The following AHI1 variants were observed in gnomAD, a reference collection of about 807,000 sequenced individuals.
AHI1 encodes the protein Abelson helper integration site 1.
A neutral mutation model predicts 149.3 loss-of-function variants in AHI1; 123 were observed. The observed-to-expected ratio is 0.82, with a 90% CI of 0.71 to 0.96. The LOEUF is 0.96. Ranked by LOEUF, AHI1 falls within the 40% of genes least tolerant of loss-of-function variation. The pLI, the probability that AHI1 is intolerant of heterozygous loss-of-function variation, is 0.00. For synonymous variants in AHI1, 475 were observed against 459.8 expected, an observed-to-expected ratio of 1.03 and a Z score of -0.42; for missense variants, 1,439 against 1,422.7, an observed-to-expected ratio of 1.01 and a Z score of -0.18.
At chr6:135,433,610 T>C (rs574648831) in intron 15 of AHI1, among the ~76,000 whole-genome samples, 1 of 152,218 alleles carries the variant, frequency 6.6e-6, no homozygotes, top group East Asian at 1.9e-4. Flanking sequence ...ATAAAAAATA[T>C]ATAGGGAGAA....
intron 2 of AHI1, among the ~76,000 whole-genome samples, chr6:135,496,351 C>T (rs1583539188): frequency 6.6e-6 from 1 of 152,282 alleles, no homozygotes; most frequent in South Asian, 2.1e-4. Context: ...CTCCTGACCT[C>T]AAGTGATCCA....
intron 20 of AHI1, among the ~76,000 whole-genome samples, chr6:135,416,240 A>T (rs193138549): frequency 1.3e-5 from 2 of 152,162 alleles, no homozygotes; most frequent in East Asian, 3.8e-4. Flanking sequence ...TCCATTAAAA[A>T]TTAATAATCG....
chr6:135,425,182 G>A (rs545307277), intron 20 of AHI1, among the ~76,000 whole-genome samples: 3 of 151,880 alleles, frequency 2.0e-5, no homozygotes, highest in Admixed American at 1.3e-4. Context: ...CAAAAATTGT[G>A]TTTGTGATAT....
At chr6:135,390,782 C>T (rs1022471464) in intron 23 of AHI1, among the ~76,000 whole-genome samples, 2 of 152,280 alleles carry the variant, frequency 1.3e-5, no homozygotes, top group South Asian at 2.1e-4. Context: ...TTCATGTTTA[C>T]TCTACTTTTC....
chr6:135,464,926 G>A (rs1351817497), intron 7 of AHI1, among the ~76,000 whole-genome samples: 1 of 152,196 alleles, frequency 6.6e-6, no homozygotes, highest in Admixed American at 6.5e-5. Flanking sequence ...GAAACTCTGA[G>A]ACAGTAAATG....
chr6:135,357,981 A>C, intron 24 of AHI1, 151 bp downstream of exon 24: 2 of 627,642 alleles, frequency 3.2e-6, no homozygotes, highest in Non-Finnish European at 5.5e-6. Flanking sequence ...AATTATTTCT[A>C]AGTTAACAAC....
intron 20 of AHI1, among the ~76,000 whole-genome samples, chr6:135,421,923 T>G (rs985872863): frequency 1.3e-5 from 2 of 152,164 alleles, no homozygotes; most frequent in East Asian, 3.8e-4. Context: ...TGCCCTACTA[T>G]TAGGTATATT....
chr6:135,434,408 A>G (rs1305710640), intron 15 of AHI1, among the ~76,000 whole-genome samples: 1 of 152,030 alleles, frequency 6.6e-6, no homozygotes, highest in African/African-American at 2.4e-5. Flanking sequence ...TATTTATATG[A>G]AATATGATGC....
rs550507120 is a variant in AHI1 at position 135,374,733 on chromosome 6, A to G, written c.3110-16546T>C. ...AAATACAACAAAAAATGTGTAAAAC[A>G]GTATGAAGAACACCTTAAAATACTT... is the stretch of plus-strand genomic sequence containing the variant. On this transcript the variant is annotated intron_variant, in intron 23 of 28. Coordinates refer to ENST00000265602, the MANE Select transcript of AHI1 (RefSeq NM_001134831.2). 3.3e-5 allele frequency among the ~76,000 whole-genome samples: 5 copies of G among 152,348 alleles called. No homozygotes were observed. The Middle Eastern group carries it at 0.017, about 518-fold the overall frequency.
chr6:135,344,077 T>G (rs1790784965), intron 24 of AHI1, among the ~76,000 whole-genome samples: 1 of 152,004 alleles, frequency 6.6e-6, no homozygotes, highest in African/African-American at 2.4e-5. Flanking sequence ...GTCCCTTATA[T>G]AAAATAGTAT....
chr6:135,435,488 G>A (rs955860301), intron 15 of AHI1, among the ~76,000 whole-genome samples: 4 of 152,150 alleles, frequency 2.6e-5, no homozygotes, highest in Non-Finnish European at 5.9e-5. Flanking sequence ...AGGAAAAGTA[G>A]GTAAGTTTCA....
chr6:135,438,689 A>C (rs1583233711), intron 14 of AHI1, among the ~76,000 whole-genome samples, 191 bp from the exon 15 acceptor site: 1 of 152,144 alleles, frequency 6.6e-6, no homozygotes, highest in Admixed American at 6.5e-5. Context: ...ACAAAAATTC[A>C]CATGCAAAAT....
intron 20 of AHI1, among the ~76,000 whole-genome samples, chr6:135,425,380 C>G (rs957710344): frequency 2.6e-5 from 4 of 151,680 alleles, no homozygotes; most frequent in Non-Finnish European, 5.9e-5. Context: ...AAAGACTGAC[C>G]AACAGAGTAA....
chr6:135,353,353 A>G (rs1454890979), intron 24 of AHI1, among the ~76,000 whole-genome samples: 2 of 152,088 alleles, frequency 1.3e-5, no homozygotes, highest in Non-Finnish European at 2.9e-5. Context: ...CATGGGTTCT[A>G]TTTTATGAGT....
At chr6:135,488,143 C>A (rs1794741657) in intron 5 of AHI1, among the ~76,000 whole-genome samples, 1 of 152,090 alleles carries the variant, frequency 6.6e-6, no homozygotes, top group Non-Finnish European at 1.5e-5. Context: ...AAGATACAAA[C>A]AAAAGAATTT....
intron 23 of AHI1, among the ~76,000 whole-genome samples, chr6:135,391,457 C>G (rs985092274): frequency 1.3e-5 from 2 of 152,146 alleles, no homozygotes; most frequent in African/African-American, 4.8e-5. Context: ...CTAATGATGT[C>G]ACTGATCTGA....
At chr6:135,419,532 T>C (rs1321960252) in intron 20 of AHI1, among the ~76,000 whole-genome samples, 1 of 152,164 alleles carries the variant, frequency 6.6e-6, no homozygotes, top group Admixed American at 6.6e-5. Context: ...CTAGTGCTTA[T>C]AAAAGTTATG....
At position 135,457,479 on chromosome 6, in the gene AHI1, AT is replaced by A. The variant is rs1338081462; in HGVS notation, c.1151+14del. On this transcript the variant is annotated intron_variant, in intron 9 of 28. Transcript: ENST00000265602. ...TTCAGTTTCAAGAATTAGTTGTGCA[AT>A]TAAAAAAAATTACCTATCATCTTTC... 6.3e-7 allele frequency: 1 copy of A among 1,587,510 alleles called. No homozygotes were observed. The highest frequency in any genetic ancestry group is 1.7e-5 in the Admixed American group (1 of 57,408).
chr6:135,309,505 G>A (rs1378884728), intron 26 of AHI1, among the ~76,000 whole-genome samples: 1 of 146,700 alleles, frequency 6.8e-6, no homozygotes, highest in Non-Finnish European at 1.5e-5. Flanking sequence ...TTTTTGAGAC[G>A]GAGTTTCACT....
Sources: gnomAD v4.1 joint callset for allele counts (sites outside exome capture counted in the v4.1 genomes callset) on GRCh38, gnomAD v4.1.1 for gene constraint, MANE v1.5 for transcripts, NCBI Gene and HGNC (gene_info 2026-07-23, HGNC 2026-07-21) for gene names.